RIBC2: variants seen among roughly 807,000 people sequenced by gnomAD.
RIBC2 encodes the protein RIB43A domain with coiled-coils 2.
RIBC2 carries 40 observed loss-of-function variants against 44.3 expected under a neutral mutation model. That is an observed-to-expected ratio of 0.90 (90% confidence interval 0.70 to 1.18). The LOEUF is 1.18. Among genes scored for constraint, RIBC2 ranks in the 50% most tolerant of loss-of-function variants. The pLI, the probability that RIBC2 is intolerant of heterozygous loss-of-function variation, is 0.00. For synonymous variants in RIBC2, 171 were observed against 175.0 expected (o/e 0.98, Z 0.18); for missense variants, 459 against 485.5 (o/e 0.95, Z 0.51).
chr22:45,422,421 C>G lies in RIBC2; in HGVS notation c.675+13C>G. On this transcript the variant is annotated intron_variant, in intron 4 of 6. Coordinates refer to ENST00000614167, the MANE Select transcript of RIBC2 (RefSeq NM_015653.5). ...CAACAAGAGCCAGGTATAGGTACTC[C>G]GCGACCTCGGGCTCGACGACTGGAG... 1 of 1,587,496 alleles carries G rather than the reference C, an allele frequency of 6.3e-7. No homozygotes were observed. Among genetic ancestry groups the G allele is most frequent in the Non-Finnish European group, 8.7e-7 (1 of 1,155,694 alleles).
At chr22:45,424,409 C>T (rs1009236797) in intron 4 of RIBC2, among the ~76,000 whole-genome samples, 5 of 152,226 alleles carry the variant, frequency 3.3e-5, no homozygotes, top group Non-Finnish European at 7.3e-5. Flanking sequence ...CCAGGCTCTG[C>T]CCTGCAGCCT....
intron 3 of RIBC2, among the ~76,000 whole-genome samples, chr22:45,421,521 TAATA>T: frequency 2.7e-5 from 1 of 37,292 alleles, no homozygotes; most frequent in Non-Finnish European, 4.2e-5. Flanking sequence ...TTATTAATAA[TAATA>T]ATAGTATTAT....
At chr22:45,416,703 G>A (rs778224818) in intron 2 of RIBC2, among the ~76,000 whole-genome samples, 2 of 151,734 alleles carry the variant, frequency 1.3e-5, no homozygotes, top group Non-Finnish European at 2.9e-5. Context: ...CTTGTGATCC[G>A]CCCACCTCGG....
intron 2 of RIBC2, among the ~76,000 whole-genome samples, chr22:45,415,430 G>A (rs749343033): frequency 1.3e-5 from 2 of 151,850 alleles, no homozygotes; most frequent in African/African-American, 4.8e-5. Context: ...TGTTCTGTAT[G>A]TTCTAAACAT....
Position 45,414,419 on chromosome 22 carries a change from A to AT in RIBC2, c.211+17dup. 1 of 1,519,406 alleles carries AT rather than the reference A, an allele frequency of 6.6e-7. No individual in the cohort carries two copies. Among genetic ancestry groups the AT allele is most frequent in the Non-Finnish European group, 8.9e-7 (1 of 1,119,318 alleles). 94.1% of individuals were successfully genotyped at this position (1,519,406 alleles called of 1,614,324 possible). ...GAAACCTTTGGTGAGCATTTCCTGA[A>AT]TGCTTATCTATTGGTTTAGGATTGT... On this transcript the variant is annotated intron_variant, in intron 2 of 6. Transcript: ENST00000614167.
intron 6 of RIBC2, among the ~76,000 whole-genome samples, 175 bp downstream of exon 6, chr22:45,431,241 G>A (rs1291892884): frequency 6.6e-6 from 1 of 152,226 alleles, no homozygotes; most frequent in South Asian, 2.1e-4. Flanking sequence ...ATGGGCCACA[G>A]GTCACTGCTG....
chr22:45,431,745 G>A (rs1352638261), intron 6 of RIBC2, among the ~76,000 whole-genome samples: 1 of 152,108 alleles, frequency 6.6e-6, no homozygotes, highest in East Asian at 1.9e-4. Flanking sequence ...TGAGGCGGGC[G>A]GATTATGAGG....
intron 5 of RIBC2, among the ~76,000 whole-genome samples, chr22:45,428,921 C>T (rs144828944): frequency 3.9e-5 from 6 of 152,264 alleles, no homozygotes; most frequent in East Asian, 1.9e-4. Context: ...TTGTGGTCAC[C>T]GCCTGCCTGA....
Position 45,421,848 on chromosome 22 carries a change from C to T in RIBC2, c.557-442C>T, listed in dbSNP as rs571016135. 4.6e-5 allele frequency among the ~76,000 whole-genome samples: 7 copies of T among 152,198 alleles called. No homozygotes were observed. The South Asian group carries it at 1.2e-3, about 27-fold the overall frequency. ...CTGACCAAGTCCTCCTGCCACTCCA[C>T]AGTATCTGTCATCTGGCCCCACTTC... is the stretch of plus-strand genomic sequence containing the variant. On this transcript the variant is annotated intron_variant, in intron 3 of 6. Transcript: ENST00000614167.
chr22:45,422,153 A>C, intron 3 of RIBC2, 137 bp from the exon 4 acceptor site: 4 of 690,190 alleles, frequency 5.8e-6, no homozygotes, highest in Middle Eastern at 4.1e-4. Context: ...CAGCCTTCAG[A>C]GGCAGGTCCT....
intron 2 of RIBC2, among the ~76,000 whole-genome samples, chr22:45,415,875 T>G (rs1424203476): frequency 6.6e-6 from 1 of 152,154 alleles, no homozygotes; most frequent in Non-Finnish European, 1.5e-5. Flanking sequence ...GATTTTTGTA[T>G]TTTTAGTAGA....
intron 4 of RIBC2, among the ~76,000 whole-genome samples, chr22:45,423,058 C>A (rs1039188991): frequency 6.6e-6 from 1 of 152,082 alleles, no homozygotes; most frequent in African/African-American, 2.4e-5. Context: ...CATGGCTCAC[C>A]GCAGCCTCGA....
At chr22:45,418,145 CAG>C in intron 3 of RIBC2, 199 bp downstream of exon 3, 1 of 465,714 alleles carries the variant, frequency 2.1e-6, no homozygotes, top group Non-Finnish European at 3.8e-6. Context: ...AAAGAAAAGT[CAG>C]AGCCTGCCCT....
chr22:45,417,649 C>G lies in RIBC2; in HGVS notation c.259C>G (p.Arg87Gly). ...NDKIMCILENRKKRDRKNLCR... is the reference protein window; with the variant it reads ...NDKIMCILENGKKRDRKNLCR... ...CAAAATCATGTGCATATTGGAAAAC[C>G]GGAAAAAGAGGGATAGGAAAAATCT... Residue 87 changes from arginine (R) to glycine (G), a missense_variant, in exon 3 of 7, where the codon CGG becomes GGG. Transcript: ENST00000614167. The G allele has an allele frequency of 6.2e-7, 1 of 1,613,736 alleles. No individual in the cohort carries two copies. The highest frequency in any genetic ancestry group is 1.1e-5 in the South Asian group (1 of 91,048).
rs1432469522 is a variant in RIBC2, at chr22:45,432,405, G to C, written c.*43G>C. 6 of 1,318,518 alleles carry C rather than the reference G, an allele frequency of 4.6e-6. No homozygotes were observed. The highest frequency in any genetic ancestry group is 1.5e-5 in the African/African-American group (1 of 67,662). The allele number at this position is 1,318,518 out of a possible 1,614,324, so 81.7% of individuals were successfully genotyped here. The stretch of plus-strand genomic sequence containing the variant: ...TTCCCGTCATTCACGTATAAAGAGT[G>C]GCTACCTTAAAGAGTCACGTTTCTT... On this transcript the variant is annotated 3_prime_UTR_variant, in exon 7 of 7. Coordinates refer to ENST00000614167, the MANE Select transcript of RIBC2 (RefSeq NM_015653.5).
chr22:45,425,826 C>G (rs368998104), intron 4 of RIBC2, 122 bp from the exon 5 acceptor site: 1 of 808,530 alleles, frequency 1.2e-6, no homozygotes, highest in Non-Finnish European at 2.0e-6. Context: ...CCCCTCCACC[C>G]GACTCCTGCT....
intron 3 of RIBC2, 103 bp from the exon 4 acceptor site, chr22:45,422,187 G>A (rs1602115976): frequency 1.3e-6 from 1 of 774,782 alleles, no homozygotes; most frequent in East Asian, 2.5e-5. Context: ...CCGTCCTCAT[G>A]CTCATGGCTA....
At chr22:45,428,363 G>C (rs1353626386) in intron 5 of RIBC2, among the ~76,000 whole-genome samples, 1 of 152,240 alleles carries the variant, frequency 6.6e-6, no homozygotes, top group East Asian at 1.9e-4. Flanking sequence ...GCCATGAGGT[G>C]AAGGGAAAGT....
intron 2 of RIBC2, among the ~76,000 whole-genome samples, chr22:45,416,901 T>A (rs999356970): frequency 1.2e-5 from 1 of 80,592 alleles, no homozygotes; most frequent in East Asian, 5.5e-4. Context: ...TTACTCAGGT[T>A]TTTTTTTTTT....
Sources: allele counts gnomAD v4.1 joint callset (sites outside exome capture counted in the v4.1 genomes callset), GRCh38; gene constraint gnomAD v4.1.1; transcripts MANE v1.5; gene names NCBI Gene and HGNC (gene_info 2026-07-23, HGNC 2026-07-21).